The following RUSC2 variants were observed in gnomAD, a reference collection of about 807,000 sequenced individuals.
The protein encoded by RUSC2 is AP-4 complex accessory subunit RUSC2.
Under a neutral mutation model 122.2 loss-of-function variants are expected in RUSC2, and 34 were observed. The observed-to-expected ratio is 0.28, with a 90% CI of 0.21 to 0.37. The LOEUF (loss-of-function observed/expected upper bound fraction) is 0.37. RUSC2 is among the 10% of genes least tolerant of loss of function. The pLI is 1.00. For missense variants in RUSC2, 1,747 were observed against 1,952.4 expected, an observed-to-expected ratio of 0.89 and a Z score of 1.98; for synonymous variants, 784 against 790.0, an observed-to-expected ratio of 0.99 and a Z score of 0.13.
intron 1 of RUSC2, among the ~76,000 whole-genome samples, chr9:35,501,421 A>T (rs1248030903): frequency 2.0e-5 from 3 of 152,158 alleles, no homozygotes; most frequent in Non-Finnish European, 4.4e-5. Flanking sequence ...TACCAAAAAT[A>T]AAAAAATTAG....
intron 1 of RUSC2, among the ~76,000 whole-genome samples, chr9:35,508,901 C>G (rs1273166121): frequency 6.6e-6 from 1 of 152,120 alleles, no homozygotes; most frequent in Non-Finnish European, 1.5e-5. Context: ...TATGAGTCTA[C>G]AAATTGAAAG....
rs1822184306 is a variant in RUSC2, at chr9:35,561,746, T to C, written c.*364T>C. 5.5e-6 allele frequency: 3 copies of C among 545,766 alleles called. No individual in the cohort carries two copies. Among genetic ancestry groups the C allele is most frequent in the Middle Eastern group, 4.8e-4 (1 of 2,066 alleles). 33.8% of individuals were successfully genotyped at this position (545,766 alleles called of 1,614,324 possible). A position where few individuals can be genotyped will look rare whatever the true frequency, so the allele number is the denominator to read the frequency against. On this transcript the variant is annotated 3_prime_UTR_variant, in exon 12 of 12. Coordinates refer to ENST00000361226, the MANE Select transcript of RUSC2 (RefSeq NM_014806.5). Reference sequence around the variant, plus strand: ...GTGGAGATGAGGATGGGTAACAGTATTGGGGCCAGATCCCTAAGCCCCCCA... The same window carrying C: ...GTGGAGATGAGGATGGGTAACAGTACTGGGGCCAGATCCCTAAGCCCCCCA...
chr9:35,497,500 C>T (rs769895966), intron 1 of RUSC2, among the ~76,000 whole-genome samples: 1 of 152,080 alleles, frequency 6.6e-6, no homozygotes, highest in Non-Finnish European at 1.5e-5. Flanking sequence ...GTATTACCAG[C>T]CATATATCCG....
chr9:35,545,769 C>T (rs192396233), intron 1 of RUSC2, among the ~76,000 whole-genome samples: 6 of 152,174 alleles, frequency 3.9e-5, no homozygotes, highest in African/African-American at 1.4e-4. Context: ...ACCCTAATGC[C>T]CAACTCAGTG....
At chr9:35,511,527 G>C (rs1031426792) in intron 1 of RUSC2, among the ~76,000 whole-genome samples, 1 of 152,186 alleles carries the variant, frequency 6.6e-6, no homozygotes, top group Middle Eastern at 3.2e-3. Flanking sequence ...CTAGAACTAA[G>C]TATGTGTAAA....
intron 1 of RUSC2, among the ~76,000 whole-genome samples, chr9:35,509,068 G>A (rs909208698): frequency 2.6e-5 from 4 of 152,162 alleles, no homozygotes; most frequent in African/African-American, 9.7e-5. Flanking sequence ...ATCAGAATGA[G>A]GCTGGGCACA....
rs1266844890 is a variant in RUSC2 at position 35,555,439 on chromosome 9, C to T, written c.2394C>T (p.Ser798=). 4.3e-6 allele frequency: 7 copies of T among 1,614,256 alleles called. No homozygotes were observed. Among genetic ancestry groups the T allele is most frequent in the Non-Finnish European group, 5.9e-6 (7 of 1,180,048 alleles). ...PFGPSTDSSA[S]TSCSPPPEQP... ...GGCCCAGCACTGACTCTTCTGCCTCCACTTCGTGCTCCCCTCCCCCAGAGC... is the reference window on the plus strand; with the variant it reads ...GGCCCAGCACTGACTCTTCTGCCTCTACTTCGTGCTCCCCTCCCCCAGAGC... The change falls in exon 3 of 12, where the codon TCC becomes TCT. Residue 798 remains serine (S), a synonymous_variant. Transcript: ENST00000361226. This position sits in a 1 kb window ranked among gnomAD's most constrained non-coding sequence, Gnocchi z 4.6.
intron 1 of RUSC2, among the ~76,000 whole-genome samples, chr9:35,503,264 C>T (rs1291725128): frequency 3.3e-5 from 5 of 152,130 alleles, no homozygotes; most frequent in Admixed American, 2.6e-4. Flanking sequence ...CCACCACCCC[C>T]GCCGTTACTC....
chr9:35,494,693 C>A (rs1277474882), intron 1 of RUSC2, among the ~76,000 whole-genome samples: 2 of 151,612 alleles, frequency 1.3e-5, no homozygotes, highest in East Asian at 3.9e-4. Context: ...GACATTAATC[C>A]ATCTCAGATG....
chr9:35,514,463 TAAG>T, intron 1 of RUSC2, among the ~76,000 whole-genome samples: 1 of 152,196 alleles, frequency 6.6e-6, no homozygotes. Context: ...GAAGGGTTTT[TAAG>T]CATGAAAGTG....
At chr9:35,553,643 A>G (rs1452968121) in intron 2 of RUSC2, among the ~76,000 whole-genome samples, 1 of 152,230 alleles carries the variant, frequency 6.6e-6, no homozygotes, top group Non-Finnish European at 1.5e-5. Flanking sequence ...ACAGAAAGAA[A>G]AGCAGGTGCA....
chr9:35,561,138 C>T (rs1392504835), intron 11 of RUSC2, 41 bp downstream of exon 11: 2 of 1,613,202 alleles, frequency 1.2e-6, no homozygotes, highest in Non-Finnish European at 1.7e-6. Flanking sequence ...GGGCGGGGGG[C>T]TTTTGAGGGG....
chr9:35,553,673 T>A (rs1030500610), intron 2 of RUSC2, among the ~76,000 whole-genome samples: 2 of 152,220 alleles, frequency 1.3e-5, no homozygotes, highest in African/African-American at 4.8e-5. Context: ...GAGATGTTCA[T>A]GCATCTGGTG....
chr9:35,522,695 G>C (rs1254427758), intron 1 of RUSC2, among the ~76,000 whole-genome samples: 1 of 152,168 alleles, frequency 6.6e-6, no homozygotes, highest in African/African-American at 2.4e-5. Flanking sequence ...ATAGCCTCAG[G>C]ATAATTCTAG....
chr9:35,561,754 A>G lies in RUSC2; in HGVS notation c.*372A>G. 1.8e-6 allele frequency: 1 copy of G among 550,320 alleles called. No homozygotes were observed. Among genetic ancestry groups the G allele is most frequent in the Non-Finnish European group, 3.2e-6 (1 of 312,470 alleles). The allele number at this position is 550,320 out of a possible 1,614,324, so 34.1% of individuals were successfully genotyped here. A position where few individuals can be genotyped will look rare whatever the true frequency, so the allele number is the denominator to read the frequency against. ...GAGGATGGGTAACAGTATTGGGGCC[A>G]GATCCCTAAGCCCCCCAGCTGTAAA... On this transcript the variant is annotated 3_prime_UTR_variant, in exon 12 of 12. Transcript: ENST00000361226.
At position 35,560,293 on chromosome 9, in the gene RUSC2, G is replaced by C; in HGVS notation, c.3653G>C (p.Gly1218Ala). The change falls in exon 10 of 12, where the codon GGA (glycine) becomes GCA (alanine). Residue 1218 changes from glycine (G) to alanine (A), a missense_variant. Gly to Ala is a moderately conservative substitution (Grantham distance 60). Coordinates refer to ENST00000361226, the MANE Select transcript of RUSC2 (RefSeq NM_014806.5). ...LARARGQEGP[G>A]DVDRAAQGER... The stretch of plus-strand genomic sequence containing the variant: ...CGGGCCCGGGGCCAGGAGGGCCCTG[G>C]AGACGTGGACAGGGCAGCCCAAGGG... The C allele has an allele frequency of 1.3e-6, 2 of 1,596,012 alleles. No homozygotes were observed. The highest frequency in any genetic ancestry group is 1.7e-6 in the Non-Finnish European group (2 of 1,170,442).
chr9:35,533,881 G>C lies in RUSC2; in HGVS notation c.-92-12549G>C, dbSNP rs1300374895. On this transcript the variant is annotated intron_variant, in intron 1 of 11. Transcript: ENST00000361226. ...TCTTCTGTTGATGAACATTTTGGTT[G>C]CTCCTAGTTTTTGACTATCATGAAT... 2.0e-5 allele frequency among the ~76,000 whole-genome samples: 3 copies of C among 152,100 alleles called. No individual in the cohort carries two copies. In the East Asian group the frequency reaches 5.8e-4, roughly 29 times the overall value.
rs1820786715 is a variant in RUSC2 at position 35,499,660 on chromosome 9, G to C, written c.-93+9488G>C. On this transcript the variant is annotated intron_variant, in intron 1 of 11. Transcript: ENST00000361226. ...TTTATCTTAGGATCCAAAAAAATCT[G>C]TATTTAATTTATCTGTTTTTATACT... 1.3e-5 allele frequency among the ~76,000 whole-genome samples: 2 copies of C among 152,100 alleles called. 1 individual carries two copies. The highest frequency in any genetic ancestry group is 2.9e-5 in the Non-Finnish European group (2 of 68,010).
chr9:35,492,870 C>T, intron 1 of RUSC2, among the ~76,000 whole-genome samples: 1 of 152,140 alleles, frequency 6.6e-6, no homozygotes, highest in Non-Finnish European at 1.5e-5. Context: ...CACCATTCTA[C>T]TTTCTATCTT....
Sources: gnomAD v4.1 joint callset for allele counts (sites outside exome capture counted in the v4.1 genomes callset) on GRCh38, gnomAD v4.1.1 for gene constraint, Gnocchi (gnomAD v3.1) non-coding constraint, MANE v1.5 for transcripts, NCBI Gene and HGNC (gene_info 2026-07-23, HGNC 2026-07-21) for gene names.